Variants in TACR3 observed in about 807,000 individuals in gnomAD.
TACR3 encodes tachykinin receptor 3.
Under a neutral mutation model 35.0 loss-of-function variants are expected in TACR3, and 34 were observed. That is an observed-to-expected ratio of 0.97 (90% CI 0.74 to 1.30). TACR3 has a LOEUF of 1.30. Ranked by LOEUF, TACR3 falls within the 50% of genes most tolerant of loss-of-function variation. The pLI is 0.00. For synonymous variants in TACR3, 233 were observed against 221.1 expected, an observed-to-expected ratio of 1.05 and a Z score of -0.48; for missense variants, 558 against 591.7, an observed-to-expected ratio of 0.94 and a Z score of 0.59.
intron 3 of TACR3, among the ~76,000 whole-genome samples, chr4:103,600,068 G>C (rs1487342212): frequency 6.6e-6 from 1 of 152,070 alleles, no homozygotes; most frequent in South Asian, 2.1e-4. Flanking sequence ...GAATTCGGCT[G>C]TGAATCCATC....
chr4:103,681,900 A>G (rs1217215222), intron 1 of TACR3, among the ~76,000 whole-genome samples: 1 of 152,154 alleles, frequency 6.6e-6, no homozygotes, highest in African/African-American at 2.4e-5. Context: ...TAAAACAAAT[A>G]TATATTCTTA....
At chr4:103,710,489 G>GA (rs199698389) in intron 1 of TACR3, among the ~76,000 whole-genome samples, 1 of 146,370 alleles carries the variant, frequency 6.8e-6, no homozygotes, top group Non-Finnish European at 1.5e-5. Context: ...CACATATAAA[G>GA]CTGTGTGTAG....
intron 3 of TACR3, among the ~76,000 whole-genome samples, chr4:103,645,382 G>C (rs188650129): frequency 6.6e-6 from 1 of 151,966 alleles, no homozygotes; most frequent in Non-Finnish European, 1.5e-5. Context: ...TTAGTTTATA[G>C]GCTAAATCTA....
rs527570947 is a variant in TACR3, at chr4:103,666,377, G to C, written c.549-7974C>G. 2.6e-4 allele frequency among the ~76,000 whole-genome samples: 39 copies of C among 152,154 alleles called. No individual in the cohort carries two copies. In the Middle Eastern group the frequency reaches 0.01, roughly 40 times the overall value. ...TAGGAGAAAGCAGAGTGCATTTGGG[G>C]AACTATGGAAGGCCAGCTCTACAGC... is the stretch of plus-strand genomic sequence containing the variant. On this transcript the variant is annotated intron_variant, in intron 1 of 4. Transcript: ENST00000304883.
chr4:103,660,326 A>G (rs1432998754), intron 1 of TACR3, among the ~76,000 whole-genome samples: 1 of 152,054 alleles, frequency 6.6e-6, no homozygotes, highest in African/African-American at 2.4e-5. Flanking sequence ...CATGATTCCA[A>G]ATATATGTAG....
At chr4:103,598,864 GTA>G (rs1724113278) in intron 3 of TACR3, among the ~76,000 whole-genome samples, 1 of 152,182 alleles carries the variant, frequency 6.6e-6, no homozygotes, top group South Asian at 2.1e-4. Flanking sequence ...TAGCCTTGTA[GTA>G]TAGTTTGAAG....
intron 1 of TACR3, among the ~76,000 whole-genome samples, chr4:103,717,567 A>G (rs1723118387): frequency 6.6e-6 from 1 of 152,208 alleles, no homozygotes; most frequent in Non-Finnish European, 1.5e-5. Context: ...TTTCACATGC[A>G]CTAAAATTTT....
intron 3 of TACR3, among the ~76,000 whole-genome samples, chr4:103,649,108 C>T (rs935469870): frequency 5.9e-5 from 9 of 152,076 alleles, no homozygotes; most frequent in African/African-American, 2.2e-4. Flanking sequence ...CTATTCAGAT[C>T]CTTTGCCCAT....
In TACR3 at chr4:103,666,880, A is replaced by G. The variant is rs564590237; in HGVS notation, c.549-8477T>C. 8.5e-5 allele frequency among the ~76,000 whole-genome samples: 13 copies of G among 152,264 alleles called. No individual in the cohort carries two copies. In the South Asian group the frequency reaches 2.1e-3, roughly 24 times the overall value. On this transcript the variant is annotated intron_variant, in intron 1 of 4. Coordinates refer to ENST00000304883, the MANE Select transcript of TACR3 (RefSeq NM_001059.3). ...TACTGACATTTTGTGTCACCTCTAT[A>G]TTGTCTCAAAAACCACTTCCATAAG... is the stretch of plus-strand genomic sequence containing the variant.
intron 3 of TACR3, among the ~76,000 whole-genome samples, chr4:103,619,833 C>A (rs1035940642): frequency 3.9e-5 from 6 of 152,156 alleles, no homozygotes; most frequent in African/African-American, 9.7e-5. Context: ...TATCAACTTG[C>A]AGATATTGAA....
At position 103,589,834 on chromosome 4, in the gene TACR3, T is replaced by A. The variant is rs143073792; in HGVS notation, c.1246A>T (p.Asn416Tyr). The change falls in exon 5 of 5, where the codon AAC becomes TAC. Residue 416 changes from asparagine (N) to tyrosine (Y), a missense_variant. Transcript: ENST00000304883. ...CTGGACCTGGTGGTGTCTGCATCGT[T>A]GGGGTCAAACACGACTGTCATGGAC... ...MESMTVVFDP[N>Y]DADTTRSSRK... 1,901 of 1,613,920 alleles carry A rather than the reference T, an allele frequency of 1.2e-3. 4 individuals carry two copies. Among genetic ancestry groups the A allele is most frequent in the Non-Finnish European group, 1.0e-3 (1,232 of 1,179,868 alleles).
At chr4:103,687,393 C>A (rs914523505) in intron 1 of TACR3, among the ~76,000 whole-genome samples, 9 of 151,938 alleles carry the variant, frequency 5.9e-5, no homozygotes, top group Non-Finnish European at 1.3e-4. Flanking sequence ...GAAGTTCTGG[C>A]CAGGGCAATT....
chr4:103,603,522 A>G (rs1724264235), intron 3 of TACR3, among the ~76,000 whole-genome samples: 1 of 152,170 alleles, frequency 6.6e-6, no homozygotes, highest in South Asian at 2.1e-4. Flanking sequence ...TTATGGCGGC[A>G]TAGTATTCCA....
chr4:103,691,859 G>C (rs774995072), intron 1 of TACR3, among the ~76,000 whole-genome samples: 1 of 152,092 alleles, frequency 6.6e-6, no homozygotes, highest in Non-Finnish European at 1.5e-5. Flanking sequence ...CCATCCCTTC[G>C]TTTCCCATAA....
chr4:103,646,718 G>A (rs1224029180), intron 3 of TACR3, among the ~76,000 whole-genome samples: 1 of 151,868 alleles, frequency 6.6e-6, no homozygotes, highest in Non-Finnish European at 1.5e-5. Flanking sequence ...CTTCCAACCT[G>A]AGATGGAATG....
At chr4:103,614,900 T>G (rs1331442537) in intron 3 of TACR3, among the ~76,000 whole-genome samples, 21 of 127,374 alleles carry the variant, frequency 1.6e-4, no homozygotes, top group African/African-American at 6.2e-4. Context: ...TTTTTTTTTT[T>G]TTTTTTTTTT....
intron 3 of TACR3, among the ~76,000 whole-genome samples, chr4:103,615,821 T>C (rs1280863955): frequency 6.6e-6 from 1 of 152,072 alleles, no homozygotes; most frequent in African/African-American, 2.4e-5. Flanking sequence ...AACCAAGGCA[T>C]GAAATCTCGG....
chr4:103,685,500 G>A (rs539380247), intron 1 of TACR3, among the ~76,000 whole-genome samples: 68 of 152,214 alleles, frequency 4.5e-4, no homozygotes, highest in Non-Finnish European at 8.8e-4. Context: ...GAGCAAAAAT[G>A]TTGATAAATT....
rs1178424056 is a variant in TACR3, at chr4:103,669,026, ATATT to A, written c.549-10627_549-10624del. 2.0e-5 allele frequency among the ~76,000 whole-genome samples: 3 copies of A among 152,242 alleles called. No homozygotes were observed. In the South Asian group the frequency reaches 6.2e-4, roughly 32 times the overall value. ...CTCTAGTTATTTTGGAATACACAAT[ATATT>A]TTTTTTAGTTCCAAGTATGAGTGAA... On this transcript the variant is annotated intron_variant, in intron 1 of 4. Coordinates refer to ENST00000304883, the MANE Select transcript of TACR3 (RefSeq NM_001059.3).
Sources: gnomAD v4.1 joint callset for allele counts (sites outside exome capture counted in the v4.1 genomes callset) on GRCh38, gnomAD v4.1.1 for gene constraint, MANE v1.5 for transcripts, NCBI Gene and HGNC (gene_info 2026-07-23, HGNC 2026-07-21) for gene names.